The following PRKCB variants were observed in gnomAD, a reference collection of about 807,000 sequenced individuals.
PRKCB encodes protein kinase C beta type.
PRKCB carries 13 observed loss-of-function variants against 81.5 expected under a neutral mutation model. That is an observed-to-expected ratio of 0.16 (90% CI 0.10 to 0.25). The LOEUF is 0.25. Ranked by LOEUF, PRKCB falls within the 10% of genes least tolerant of loss-of-function variation. The pLI is 1.00. For synonymous variants in PRKCB, 335 were observed against 321.4 expected (o/e 1.04, Z -0.45); for missense variants, 509 against 875.7 (o/e 0.58, Z 5.29).
intron 9 of PRKCB, among the ~76,000 whole-genome samples, chr16:24,150,794 T>G (rs1967068922): frequency 6.6e-6 from 1 of 152,234 alleles, no homozygotes. Context: ...TATTTCCTGT[T>G]TGGCCCTTTA....
chr16:23,905,929 T>G (rs1406365125), intron 2 of PRKCB, among the ~76,000 whole-genome samples: 2 of 152,174 alleles, frequency 1.3e-5, no homozygotes, highest in African/African-American at 4.8e-5. Context: ...CATTCCCTTT[T>G]ATGATGCATA....
intron 12 of PRKCB, among the ~76,000 whole-genome samples, chr16:24,176,366 T>C (rs1030646388): frequency 1.3e-5 from 2 of 152,164 alleles, no homozygotes; most frequent in African/African-American, 4.8e-5. Context: ...TGAGCTATGA[T>C]TGTGCCACTG....
At chr16:24,080,539 C>T (rs6497719) in intron 5 of PRKCB, among the ~76,000 whole-genome samples, 6,217 of 151,940 alleles carry the variant, frequency 0.041, 332 homozygotes, top group African/African-American at 0.13. Context: ...GGATAATGAG[C>T]GTTGTTGGAC....
chr16:24,060,002 A>G (rs1421108862), intron 5 of PRKCB, among the ~76,000 whole-genome samples: 3 of 152,120 alleles, frequency 2.0e-5, no homozygotes, highest in South Asian at 2.1e-4. Flanking sequence ...ACTCATGAGA[A>G]TTTGGGTTGT....
At chr16:24,185,737 A>C (rs1179035757) in intron 15 of PRKCB, among the ~76,000 whole-genome samples, 170 bp downstream of exon 15, 8 of 152,148 alleles carry the variant, frequency 5.3e-5, no homozygotes, top group Non-Finnish European at 1.2e-4. Flanking sequence ...GAGGAGAGAG[A>C]GCTTTTTTTC....
At position 24,062,479 on chromosome 16, in the gene PRKCB, G is replaced by C. The variant is rs567067743; in HGVS notation, c.529+26932G>C. 5.9e-5 allele frequency among the ~76,000 whole-genome samples: 9 copies of C among 152,386 alleles called. No homozygotes were observed. In the South Asian group the frequency reaches 1.9e-3, roughly 32 times the overall value. ...TGACCAAACCCAGATGCAGGGAATG[G>C]AGAAACGAATTGTTGTTCTTTCCTT... On this transcript the variant is annotated intron_variant, in intron 5 of 16. Transcript: ENST00000643927.
chr16:24,159,860 C>T (rs1269568182), intron 10 of PRKCB, among the ~76,000 whole-genome samples: 3 of 151,984 alleles, frequency 2.0e-5, no homozygotes, highest in Non-Finnish European at 2.9e-5. Context: ...ATGCACGCAC[C>T]CGTAGTCCCA....
chr16:24,112,428 C>T (rs2141918264), intron 7 of PRKCB, among the ~76,000 whole-genome samples: 1 of 152,220 alleles, frequency 6.6e-6, no homozygotes, highest in Non-Finnish European at 1.5e-5. Flanking sequence ...TCCCCAGCTA[C>T]TCAGGAAGCT....
intron 9 of PRKCB, 59 bp downstream of exon 9, chr16:24,124,040 C>G: frequency 6.3e-7 from 1 of 1,597,112 alleles, no homozygotes; most frequent in African/African-American, 1.3e-5. Flanking sequence ...AACACAGGCA[C>G]ATTTGCTGTT....
At chr16:23,891,418 G>A (rs1408152276) in intron 2 of PRKCB, among the ~76,000 whole-genome samples, 1 of 152,076 alleles carries the variant, frequency 6.6e-6, no homozygotes, top group Non-Finnish European at 1.5e-5. Context: ...TGATGTGTGT[G>A]TATGTATGTG....
chr16:24,099,043 G>GA (rs1966473243), intron 7 of PRKCB: 1 of 152,126 alleles, frequency 6.6e-6, no homozygotes, highest in Non-Finnish European at 1.5e-5. Flanking sequence ...TAAAGAGAAA[G>GA]AATGCATGAT....
intron 7 of PRKCB, among the ~76,000 whole-genome samples, chr16:24,100,820 C>T (rs181773821): frequency 1.3e-5 from 2 of 152,270 alleles, no homozygotes; most frequent in Non-Finnish European, 2.9e-5. Context: ...CTCCAAAATT[C>T]AAAGACTAGG....
chr16:24,209,205 A>C (rs1968095760), intron 16 of PRKCB, among the ~76,000 whole-genome samples: 1 of 152,108 alleles, frequency 6.6e-6, no homozygotes, highest in African/African-American at 2.4e-5. Context: ...GGGTTCCAAC[A>C]CCCAGGCCAA....
At chr16:24,061,598 C>A (rs1842386987) in intron 5 of PRKCB, among the ~76,000 whole-genome samples, 1 of 152,178 alleles carries the variant, frequency 6.6e-6, no homozygotes, top group African/African-American at 2.4e-5. Context: ...AAAACGTTCA[C>A]ACAAGAACAT....
At chr16:23,964,036 A>G (rs1964457428) in intron 2 of PRKCB, among the ~76,000 whole-genome samples, 1 of 152,214 alleles carries the variant, frequency 6.6e-6, no homozygotes, top group Admixed American at 6.5e-5. Context: ...CGGGGATTAA[A>G]TGAGGTATGA....
At position 23,926,134 on chromosome 16, in the gene PRKCB, C is replaced by T. The variant is rs181191179; in HGVS notation, c.206-62374C>T. Among the ~76,000 whole-genome samples the T allele has an allele frequency of 9.9e-4, 150 of 151,646 alleles. 1 individual carries two copies. Among genetic ancestry groups the T allele is most frequent in the African/African-American group, 3.4e-3 (140 of 41,396 alleles). ...TATAAAAATTAAATTAGCCAGGCAT[C>T]GTGTTGTGTACCTGTGGTCCCAGTT... On this transcript the variant is annotated intron_variant, in intron 2 of 16. Coordinates refer to ENST00000643927, the MANE Select transcript of PRKCB (RefSeq NM_002738.7).
intron 2 of PRKCB, among the ~76,000 whole-genome samples, chr16:23,937,121 C>T (rs1417288037): frequency 6.6e-6 from 1 of 152,162 alleles, no homozygotes; most frequent in Admixed American, 6.5e-5. Flanking sequence ...GCTTCTGGAG[C>T]TGCAGTTCTC....
chr16:24,141,880 C>T (rs1403556879), intron 9 of PRKCB, among the ~76,000 whole-genome samples: 2 of 152,176 alleles, frequency 1.3e-5, no homozygotes, highest in Non-Finnish European at 2.9e-5. Flanking sequence ...CGACATTGGT[C>T]GATTGCTCTG....
chr16:24,084,884 G>A (rs1365558443), intron 5 of PRKCB, among the ~76,000 whole-genome samples: 2 of 152,140 alleles, frequency 1.3e-5, no homozygotes, highest in Non-Finnish European at 2.9e-5. Context: ...GCTGTGGTTG[G>A]AGATCATGGG....
Sources: gnomAD v4.1 joint callset for allele counts (sites outside exome capture counted in the v4.1 genomes callset) on GRCh38, gnomAD v4.1.1 for gene constraint, MANE v1.5 for transcripts, NCBI Gene and HGNC (gene_info 2026-07-23, HGNC 2026-07-21) for gene names.